KCNMA1: variants seen among roughly 807,000 people sequenced by gnomAD.
The protein encoded by KCNMA1 is Calcium-activated potassium channel subunit alpha-1.
In KCNMA1, 29 loss-of-function variants were observed where a neutral mutation model predicts 140.0. The ratio of observed to expected loss-of-function variants is 0.21; its 90% confidence interval spans 0.15 to 0.28. The LOEUF is 0.28. Ranked by LOEUF, KCNMA1 falls within the 10% of genes least tolerant of loss-of-function variation. The pLI is 1.00. For missense variants in KCNMA1, 880 were observed against 1,602.2 expected, an observed-to-expected ratio of 0.55 and a Z score of 7.70; for synonymous variants, 612 against 611.9, an observed-to-expected ratio of 1.00 and a Z score of 0.00.
At chr10:76,931,623 GCTCCTACCACAACCAAA>G (rs1478718535) in intron 23 of KCNMA1, among the ~76,000 whole-genome samples, 3 of 152,108 alleles carry the variant, frequency 2.0e-5, no homozygotes, top group Non-Finnish European at 4.4e-5. Flanking sequence ...CAACATCAGG[GCTCCTACCACAACCAAA>G]CCCCAGAGGT....
At chr10:77,167,675 C>T (rs2098658428) in intron 5 of KCNMA1, among the ~76,000 whole-genome samples, 1 of 151,484 alleles carries the variant, frequency 6.6e-6, no homozygotes, top group East Asian at 1.9e-4. Context: ...CGCTCATTTT[C>T]TTTTTCTTTC....
At chr10:76,992,840 T>G (rs2083176020) in intron 19 of KCNMA1, among the ~76,000 whole-genome samples, 1 of 152,202 alleles carries the variant, frequency 6.6e-6, no homozygotes, top group Non-Finnish European at 1.5e-5. Flanking sequence ...GGACTCTGTG[T>G]GGCAGTACTT....
chr10:77,036,656 C>T (rs1274842807), intron 15 of KCNMA1, among the ~76,000 whole-genome samples: 1 of 152,134 alleles, frequency 6.6e-6, no homozygotes, highest in African/African-American at 2.4e-5. Context: ...ATTTTGGCAT[C>T]CTTTATGTCA....
At chr10:77,019,345 A>G in intron 16 of KCNMA1, 2 of 518,860 alleles carry the variant, frequency 3.9e-6, no homozygotes, top group Non-Finnish European at 7.0e-6. Flanking sequence ...AAAGCAAATC[A>G]AGGTATTAGG....
At chr10:77,167,991 C>T (rs533567123) in intron 5 of KCNMA1, among the ~76,000 whole-genome samples, 29 of 152,256 alleles carry the variant, frequency 1.9e-4, no homozygotes, top group Admixed American at 3.3e-4. Flanking sequence ...CTGAGGCCCT[C>T]GCTTTCAGGG....
intron 16 of KCNMA1, among the ~76,000 whole-genome samples, chr10:77,026,600 G>C (rs549587236): frequency 6.6e-6 from 1 of 152,170 alleles, no homozygotes; most frequent in African/African-American, 2.4e-5. Context: ...CTACATATTT[G>C]TTAACTGCTA....
intron 1 of KCNMA1, among the ~76,000 whole-genome samples, chr10:77,580,945 C>T (rs2075695011): frequency 6.6e-6 from 1 of 152,212 alleles, no homozygotes; most frequent in African/African-American, 2.4e-5. Flanking sequence ...ATACTATTTT[C>T]TCCACTTTGC....
intron 9 of KCNMA1, among the ~76,000 whole-genome samples, chr10:77,106,626 G>A (rs1036194474): frequency 6.6e-6 from 1 of 152,178 alleles, no homozygotes; most frequent in African/African-American, 2.4e-5. Flanking sequence ...TCTTGGGGCA[G>A]TGATTGGGAA....
intron 1 of KCNMA1, among the ~76,000 whole-genome samples, chr10:77,413,543 T>C (rs191442974): frequency 8.2e-4 from 125 of 152,244 alleles, no homozygotes; most frequent in Non-Finnish European, 2.4e-4. Flanking sequence ...GGGGTTTTCA[T>C]GGCAAGAGTT....
chr10:77,472,590 T>C (rs576000859), intron 1 of KCNMA1, among the ~76,000 whole-genome samples: 1 of 152,244 alleles, frequency 6.6e-6, no homozygotes, highest in South Asian at 2.1e-4. Flanking sequence ...CAGAGGAAAA[T>C]AGGCATTTGG....
chr10:77,602,723 G>A (rs2083055906), intron 1 of KCNMA1, among the ~76,000 whole-genome samples: 1 of 152,116 alleles, frequency 6.6e-6, no homozygotes, highest in African/African-American at 2.4e-5. Context: ...TAGGAGACCA[G>A]CACCCCACAC....
intron 1 of KCNMA1, among the ~76,000 whole-genome samples, chr10:77,494,353 G>A (rs2041075447): frequency 6.6e-6 from 1 of 152,228 alleles, no homozygotes; most frequent in Non-Finnish European, 1.5e-5. Context: ...TGTGCAGGAG[G>A]AGGCTAGCCC....
intron 18 of KCNMA1, among the ~76,000 whole-genome samples, chr10:77,006,855 G>A (rs954301738): frequency 2.0e-5 from 3 of 152,328 alleles, no homozygotes; most frequent in African/African-American, 4.8e-5. Context: ...TTCTGTCGAT[G>A]AAGAAAGCCA....
intron 5 of KCNMA1, among the ~76,000 whole-genome samples, chr10:77,151,291 A>G (rs937895962): frequency 6.6e-6 from 1 of 151,214 alleles, no homozygotes; most frequent in Non-Finnish European, 1.5e-5. Flanking sequence ...CAGTGGTGCC[A>G]GATCAGCTCA....
intron 2 of KCNMA1, among the ~76,000 whole-genome samples, chr10:77,266,795 G>T (rs2154275396): frequency 6.6e-6 from 1 of 152,282 alleles, no homozygotes; most frequent in South Asian, 2.1e-4. Context: ...CCTCCTTGAG[G>T]ATGGAAAGGG....
At chr10:77,309,919 A>G (rs1164035498) in intron 2 of KCNMA1, among the ~76,000 whole-genome samples, 1 of 152,208 alleles carries the variant, frequency 6.6e-6, no homozygotes, top group African/African-American at 2.4e-5. Context: ...GAGTCAGCCA[A>G]CAGCTCAATC....
chr10:76,882,685 C>T (rs530170747), downstream of KCNMA1, among the ~76,000 whole-genome samples: 5 of 152,206 alleles, frequency 3.3e-5, no homozygotes, highest in African/African-American at 7.2e-5. Context: ...GCAAACTGCT[C>T]TCCCAGCCCT....
intron 1 of KCNMA1, among the ~76,000 whole-genome samples, chr10:77,596,218 A>C (rs779897447): frequency 4.1e-4 from 62 of 152,304 alleles, no homozygotes; most frequent in Non-Finnish European, 6.6e-4. Flanking sequence ...GGGAAAAGGC[A>C]CTCACTTGTA....
intron 4 of KCNMA1, among the ~76,000 whole-genome samples, chr10:77,184,179 G>A (rs182256313): frequency 1.3e-5 from 2 of 151,908 alleles, no homozygotes; most frequent in East Asian, 1.9e-4. Flanking sequence ...ACTGCTAAAC[G>A]TAATTTTAAG....
Sources: gnomAD v4.1 joint callset for allele counts (sites outside exome capture counted in the v4.1 genomes callset) on GRCh38, gnomAD v4.1.1 for gene constraint, MANE v1.5 for transcripts, NCBI Gene and HGNC (gene_info 2026-07-23, HGNC 2026-07-21) for gene names.